The following SAMD11 variants were observed in gnomAD, a reference collection of about 807,000 sequenced individuals.
SAMD11 encodes sterile alpha motif domain-containing protein 11.
SAMD11 carries 77 observed loss-of-function variants against 64.4 expected under a neutral mutation model. The observed-to-expected ratio is 1.20, with a 90% confidence interval of 0.99 to 1.44. The LOEUF is 1.44. Among genes scored for constraint, SAMD11 ranks in the 40% most tolerant of loss-of-function variants. The pLI, the probability that SAMD11 is intolerant of heterozygous loss-of-function variation, is 0.00. For synonymous variants in SAMD11, 658 were observed against 421.9 expected, an observed-to-expected ratio of 1.56 and a Z score of -6.86; for missense variants, 1,402 against 943.3, an observed-to-expected ratio of 1.49 and a Z score of -6.37.
In SAMD11 at chr1:944,189, C is replaced by G; in HGVS notation, c.*36C>G. On this transcript the variant is annotated 3_prime_UTR_variant, in exon 14 of 14. Coordinates refer to ENST00000616016, the MANE Select transcript of SAMD11 (RefSeq NM_001385641.1). ...GGTAGGGGTGGGGCCACACAAATCT[C>G]CAGGAGCCACCACTCAACACAATGG... 1 of 1,508,362 alleles carries G rather than the reference C, an allele frequency of 6.6e-7. No individual in the cohort carries two copies. Among genetic ancestry groups the G allele is most frequent in the South Asian group, 1.4e-5 (1 of 72,926 alleles). The allele number at this position is 1,508,362 out of a possible 1,614,324, so 93.4% of individuals were successfully genotyped here.
Position 944,030 on chromosome 1 carries a change from C to G in SAMD11, c.2412C>G (p.Pro804=), listed in dbSNP as rs373211387. The G allele has an allele frequency of 8.1e-6, 13 of 1,612,744 alleles. No homozygotes were observed. Among genetic ancestry groups the G allele is most frequent in the African/African-American group, 1.3e-5 (1 of 74,930 alleles). ...ELGTGEQPLS[P]TTATSPYGGG... is the part of the protein sequence containing the mutation. The stretch of plus-strand genomic sequence containing the variant: ...GCACAGGAGAGCAGCCCTTGTCCCC[C>G]ACGACGGCCACGTCCCCCTATGGAG... The change falls in exon 14 of 14, where the codon CCC becomes CCG. Residue 804 remains proline (P), a synonymous_variant. Transcript: ENST00000616016.
intron 2 of SAMD11, among the ~76,000 whole-genome samples, chr1:928,659 C>G (rs974323761): frequency 4.6e-5 from 7 of 152,250 alleles, no homozygotes; most frequent in Non-Finnish European, 7.3e-5. Context: ...CAGCCTCGGA[C>G]CCCAGGCCCC....
At chr1:942,029 G>T (rs1440200291) in intron 8 of SAMD11, 107 bp from the exon 9 acceptor site, 2 of 434,838 alleles carry the variant, frequency 4.6e-6, no homozygotes, top group South Asian at 9.1e-5. Flanking sequence ...GCTGCGCATC[G>T]ACCGCCCGCG....
intron 7 of SAMD11, 119 bp downstream of exon 7, chr1:939,531 C>T (rs1349496220): frequency 6.5e-6 from 10 of 1,532,372 alleles, no homozygotes; most frequent in Middle Eastern, 2.3e-4. Context: ...ATTCCTGTTG[C>T]TGAGGCCCTG....
chr1:943,715 G>A lies in SAMD11; in HGVS notation c.2196G>A (p.Gly732=), dbSNP rs551718922. 4 of 1,591,372 alleles carry A rather than the reference G, an allele frequency of 2.5e-6. No individual in the cohort carries two copies. The highest frequency in any genetic ancestry group is 2.2e-5 in the East Asian group (1 of 44,494). ...CCTTCCAGGTCTTCAGGGAGCAGGGGATCGACGGGGAGACCCTGCCACTGC... is the reference window on the plus strand; with the variant it reads ...CCTTCCAGGTCTTCAGGGAGCAGGGAATCGACGGGGAGACCCTGCCACTGC... ...GEYTRVFREQ[G]IDGETLPLLT... is the part of the protein sequence containing the mutation. The change falls in exon 13 of 14, where the codon GGG becomes GGA. Residue 732 remains glycine, a synonymous_variant. Transcript: ENST00000616016.
intron 9 of SAMD11, 66 bp downstream of exon 9, chr1:942,317 G>T: frequency 9.3e-7 from 1 of 1,070,410 alleles, no homozygotes; most frequent in Non-Finnish European, 1.3e-6. Flanking sequence ...CCCTGCCCCT[G>T]TCGGAGCCGA....
chr1:926,076 T>C, intron 2 of SAMD11, 63 bp downstream of exon 2: 2 of 1,465,662 alleles, frequency 1.4e-6, no homozygotes, highest in South Asian at 1.1e-5. Context: ...GTCCCTGCGG[T>C]TTTCAGGGTT....
intron 5 of SAMD11, among the ~76,000 whole-genome samples, chr1:938,788 T>G (rs1641593697): frequency 6.6e-6 from 1 of 152,168 alleles, no homozygotes; most frequent in African/African-American, 2.4e-5. Flanking sequence ...GCTGGGTGCC[T>G]GCTGTGGATC....
intron 2 of SAMD11, 113 bp from the exon 3 acceptor site, chr1:930,042 G>A (rs1169987759): frequency 4.7e-6 from 6 of 1,290,064 alleles, no homozygotes; most frequent in African/African-American, 1.5e-5. Context: ...TGGGGTGCGA[G>A]ACCAGGGCAG....
In SAMD11 at chr1:928,190, G is replaced by C. The variant is rs556539409; in HGVS notation, c.610-1965G>C. On this transcript the variant is annotated intron_variant, in intron 2 of 13. Coordinates refer to ENST00000616016, the MANE Select transcript of SAMD11 (RefSeq NM_001385641.1). ...GGGCGGATCACGAGGTCAGGAGATC[G>C]AGACCATCCTGACTAACACGGTGAA... Among the ~76,000 whole-genome samples, 753 of 152,122 alleles carry C rather than the reference G, an allele frequency of 4.9e-3. 17 individuals carry two copies. Among genetic ancestry groups the C allele is most frequent in the Admixed American group, 0.036 (558 of 15,290 alleles).
At position 943,376 on chromosome 1, in the gene SAMD11, G is replaced by A. The variant is rs777840080; in HGVS notation, c.2177G>A (p.Arg726Gln). The change falls in exon 12 of 14, where the codon CGG becomes CAG. Residue 726 changes from arginine to glutamine, a missense_variant and splice_region_variant. Physicochemically the swap from Arg to Gln is conservative, Grantham distance 43. Transcript: ENST00000616016. ...GGLSGCGEYTRVFREQGIDGE... is the reference protein window; with the variant it reads ...GGLSGCGEYTQVFREQGIDGE... ...CTGTCTGGCTGTGGAGAGTACACTC[G>A]GGTAAGGGGGGGCCCCAGTTCCTGG... 3 of 1,538,620 alleles carry A rather than the reference G, an allele frequency of 1.9e-6. No individual in the cohort carries two copies. The highest frequency in any genetic ancestry group is 1.2e-5 in the South Asian group (1 of 80,420).
At position 939,371 on chromosome 1, in the gene SAMD11, A is replaced by G; in HGVS notation, c.1154A>G (p.Glu385Gly). ...VSALSEASTFEDPQRLYHLGL... is the reference protein window; with the variant it reads ...VSALSEASTFGDPQRLYHLGL... Reference sequence around the variant, plus strand: ...GCACTGAGCGAGGCCAGCACCTTTGAGGACCCTCAGCGCCTCTACCACCTG... The same window carrying G: ...GCACTGAGCGAGGCCAGCACCTTTGGGGACCCTCAGCGCCTCTACCACCTG... The change falls in exon 7 of 14, where the codon GAG becomes GGG. Residue 385 changes from glutamate to glycine, a missense_variant. Physicochemically the swap from Glu to Gly is moderately conservative, Grantham distance 98 (BLOSUM62 -2). Coordinates refer to ENST00000616016, the MANE Select transcript of SAMD11 (RefSeq NM_001385641.1). The G allele has an allele frequency of 1.2e-6, 2 of 1,612,702 alleles. No homozygotes were observed. The highest frequency in any genetic ancestry group is 1.7e-6 in the Non-Finnish European group (2 of 1,179,856).
Position 942,132 on chromosome 1 carries a change from A to T in SAMD11, c.1359-4A>T. The T allele has an allele frequency of 7.7e-7, 1 of 1,291,794 alleles. No individual in the cohort carries two copies. The highest frequency in any genetic ancestry group is 1.0e-6 in the Non-Finnish European group (1 of 961,144). 80.0% of individuals were successfully genotyped at this position (1,291,794 alleles called of 1,614,324 possible). Reference sequence around the variant, plus strand: ...GACGCCGCTCATTGCGCTGCCGTCCACAGGGAGCTGCCTCAGCCGCCCCCC... The same window carrying T: ...GACGCCGCTCATTGCGCTGCCGTCCTCAGGGAGCTGCCTCAGCCGCCCCCC... On this transcript the variant is annotated splice_region_variant and splice_polypyrimidine_tract_variant and intron_variant, in intron 8 of 13. Coordinates refer to ENST00000616016, the MANE Select transcript of SAMD11 (RefSeq NM_001385641.1).
intron 4 of SAMD11, among the ~76,000 whole-genome samples, chr1:933,771 G>C (rs545177261): frequency 6.6e-6 from 1 of 152,054 alleles, no homozygotes; most frequent in Admixed American, 6.5e-5. Flanking sequence ...ACTGGGAGCC[G>C]GTGGGGGTGG....
chr1:926,137 C>G, intron 2 of SAMD11, 124 bp downstream of exon 2: 2 of 906,340 alleles, frequency 2.2e-6, no homozygotes, highest in Non-Finnish European at 3.5e-6. Context: ...TGGAGGGAGC[C>G]TCCGAAGGGC....
Position 944,072 on chromosome 1 carries a change from C to G in SAMD11, c.2454C>G (p.Ala818=). The G allele has an allele frequency of 1.2e-6, 2 of 1,612,646 alleles. No homozygotes were observed. Among genetic ancestry groups the G allele is most frequent in the Non-Finnish European group, 1.7e-6 (2 of 1,179,940 alleles). Reference sequence around the variant, plus strand: ...CCTATGGAGGGGGCCACGCCCTTGCCGGTCAAACTTCACCCAAGCAGGAGA... The same window carrying G: ...CCTATGGAGGGGGCCACGCCCTTGCGGGTCAAACTTCACCCAAGCAGGAGA... ...TSPYGGGHAL[A]GQTSPKQENG... The change falls in exon 14 of 14, where the codon GCC becomes GCG. Residue 818 remains alanine (A), a synonymous_variant. Transcript: ENST00000616016.
chr1:928,219 C>CT (rs1186479372), intron 2 of SAMD11, among the ~76,000 whole-genome samples: 131 of 151,964 alleles, frequency 8.6e-4, no homozygotes, highest in East Asian at 3.9e-4. Flanking sequence ...CGGTGAAACC[C>CT]GTCTCTACTA....
chr1:931,774 G>T (rs1294169677), intron 4 of SAMD11, among the ~76,000 whole-genome samples: 1 of 152,250 alleles, frequency 6.6e-6, no homozygotes, highest in African/African-American at 2.4e-5. Context: ...ACGGTAGGGG[G>T]TGTGATTCCA....
Position 942,596 on chromosome 1 carries a change from C to T in SAMD11, c.1591C>T (p.Leu531=), listed in dbSNP as rs1353595929. 3.5e-6 allele frequency: 5 copies of T among 1,434,448 alleles called. No homozygotes were observed. In the Middle Eastern group the frequency reaches 7.4e-4, roughly 212 times the overall value. The allele number at this position is 1,434,448 out of a possible 1,614,324, so 88.9% of individuals were successfully genotyped here. Residue 531 remains leucine, a synonymous_variant, in exon 11 of 14, where the codon CTG becomes TTG. Transcript: ENST00000616016. ...CGCCGACCTCCTGCGGCAGAAGGAGCTGGAGAGCGCGCGCCCACAGCTGCT... is the reference window on the plus strand; with the variant it reads ...CGCCGACCTCCTGCGGCAGAAGGAGTTGGAGAGCGCGCGCCCACAGCTGCT... ...LPADLLRQKE[L]ESARPQLLAP...
Sources: allele counts gnomAD v4.1 joint callset (sites outside exome capture counted in the v4.1 genomes callset), GRCh38; gene constraint gnomAD v4.1.1; transcripts MANE v1.5; gene names NCBI Gene and HGNC (gene_info 2026-07-23, HGNC 2026-07-21).